Variants in PDSS2 observed in about 807,000 individuals in gnomAD.
PDSS2 encodes the protein decaprenyl diphosphate synthase subunit 2.
PDSS2 carries 31 observed loss-of-function variants against 44.5 expected under a neutral mutation model. That is an observed-to-expected ratio of 0.70 (90% confidence interval 0.52 to 0.94). PDSS2 has a LOEUF of 0.94. Ranked by LOEUF, PDSS2 falls within the 40% of genes least tolerant of loss-of-function variation. The pLI is 0.00. For synonymous variants in PDSS2, 157 were observed against 180.3 expected (o/e 0.87, Z 1.03); for missense variants, 452 against 482.2 (o/e 0.94, Z 0.59).
chr6:107,402,567 A>ATATGTG (rs1554276840), intron 1 of PDSS2, among the ~76,000 whole-genome samples: 1 of 95,860 alleles, frequency 1.0e-5, no homozygotes, highest in African/African-American at 3.8e-5. Context: ...ATATATATAC[A>ATATGTG]TGTGTATATA....
intron 4 of PDSS2, among the ~76,000 whole-genome samples, chr6:107,240,398 CTTTTTTTTTT>C (rs751073523): frequency 3.1e-5 from 4 of 131,016 alleles, no homozygotes; most frequent in African/African-American, 5.6e-5. Context: ...GAGACCCTAC[CTTTTTTTTTT>C]TTTTTTTTTT....
At chr6:107,438,485 G>A (rs1781422882) in intron 1 of PDSS2, among the ~76,000 whole-genome samples, 1 of 152,158 alleles carries the variant, frequency 6.6e-6, no homozygotes, top group Non-Finnish European at 1.5e-5. Flanking sequence ...AAAGTGCTGG[G>A]ACTACAGGTG....
intron 7 of PDSS2, among the ~76,000 whole-genome samples, chr6:107,190,875 A>G (rs1772350716): frequency 6.6e-6 from 1 of 152,038 alleles, no homozygotes; most frequent in Admixed American, 6.6e-5. Context: ...AATGTGCCGG[A>G]TAGACAACAC....
chr6:107,305,042 C>T (rs771301875), intron 2 of PDSS2, among the ~76,000 whole-genome samples: 6 of 152,104 alleles, frequency 3.9e-5, no homozygotes, highest in Non-Finnish European at 7.4e-5. Flanking sequence ...CTGATTTAGA[C>T]TTTCAGCAGA....
chr6:107,435,044 A>G (rs1056402700), intron 1 of PDSS2, among the ~76,000 whole-genome samples: 11 of 152,118 alleles, frequency 7.2e-5, no homozygotes, highest in African/African-American at 2.7e-4. Context: ...TGAGAGGCCA[A>G]GGCAGGAGGA....
intron 1 of PDSS2, among the ~76,000 whole-genome samples, chr6:107,448,543 C>G (rs1357860009): frequency 6.6e-6 from 1 of 152,198 alleles, no homozygotes; most frequent in Non-Finnish European, 1.5e-5. Flanking sequence ...ATTTCATTGT[C>G]CATATCACTA....
At chr6:107,214,134 C>T (rs1163258391) in intron 4 of PDSS2, among the ~76,000 whole-genome samples, 1 of 147,670 alleles carries the variant, frequency 6.8e-6, no homozygotes, top group Non-Finnish European at 1.5e-5. Context: ...GATGGAGTCT[C>T]TCTGTGTCAC....
At chr6:107,193,929 A>G in intron 6 of PDSS2, 75 bp from the exon 7 acceptor site, 1 of 895,122 alleles carries the variant, frequency 1.1e-6, no homozygotes, top group South Asian at 1.3e-5. Context: ...TGCTTCTCAA[A>G]GAATAGAACT....
intron 7 of PDSS2, among the ~76,000 whole-genome samples, chr6:107,184,305 A>G (rs1450007719): frequency 6.6e-6 from 1 of 152,184 alleles, no homozygotes; most frequent in Non-Finnish European, 1.5e-5. Flanking sequence ...CGAATAAAGG[A>G]GTCTGGCTTT....
chr6:107,296,277 T>C (rs1161906943), intron 2 of PDSS2, among the ~76,000 whole-genome samples: 2 of 152,054 alleles, frequency 1.3e-5, no homozygotes, highest in Non-Finnish European at 2.9e-5. Context: ...TGAAAGATCA[T>C]GTGTACTACG....
intron 1 of PDSS2, among the ~76,000 whole-genome samples, chr6:107,386,524 T>A (rs1023242112): frequency 1.6e-4 from 25 of 152,288 alleles, no homozygotes; most frequent in African/African-American, 4.6e-4. Flanking sequence ...TCATCTTGGA[T>A]AAAATCTAAT....
At chr6:107,177,148 T>G (rs952674273) in intron 7 of PDSS2, among the ~76,000 whole-genome samples, 5 of 80,048 alleles carry the variant, frequency 6.2e-5, no homozygotes, top group East Asian at 4.0e-4. Context: ...TTTTTTTTTT[T>G]GGGAGACAGG....
intron 1 of PDSS2, among the ~76,000 whole-genome samples, chr6:107,385,293 G>A (rs1779577893): frequency 6.6e-6 from 1 of 151,442 alleles, no homozygotes. Context: ...GAGCCCAGGA[G>A]TTTGAATCCA....
chr6:107,210,988 C>T (rs1480062558), intron 5 of PDSS2, among the ~76,000 whole-genome samples: 2 of 142,196 alleles, frequency 1.4e-5, no homozygotes, highest in Non-Finnish European at 3.1e-5. Context: ...AGCAAAACTC[C>T]GTCTCAAAAA....
At chr6:107,278,166 A>G (rs866504683) in intron 2 of PDSS2, among the ~76,000 whole-genome samples, 1 of 152,076 alleles carries the variant, frequency 6.6e-6, no homozygotes, top group African/African-American at 2.4e-5. Context: ...AAATTAAGAG[A>G]ATATGTAAAG....
At chr6:107,450,660 T>C (rs1781835311) in intron 1 of PDSS2, among the ~76,000 whole-genome samples, 1 of 152,150 alleles carries the variant, frequency 6.6e-6, no homozygotes, top group Non-Finnish European at 1.5e-5. Context: ...TACATATATG[T>C]AGGATTTTCA....
At chr6:107,411,211 G>A (rs141119674) in intron 1 of PDSS2, among the ~76,000 whole-genome samples, 22 of 152,256 alleles carry the variant, frequency 1.4e-4, no homozygotes, top group African/African-American at 5.1e-4. Flanking sequence ...AATGAGTCTC[G>A]TGGATGAGAA....
chr6:107,393,709 T>C (rs546885122), intron 1 of PDSS2, among the ~76,000 whole-genome samples: 4 of 152,352 alleles, frequency 2.6e-5, no homozygotes, highest in African/African-American at 4.8e-5. Context: ...AGAATACTTA[T>C]ATATTCTTGA....
intron 1 of PDSS2, among the ~76,000 whole-genome samples, chr6:107,390,189 C>T (rs181273240): frequency 1.4e-4 from 22 of 152,278 alleles, no homozygotes; most frequent in African/African-American, 3.4e-4. Flanking sequence ...TAGTGACTCA[C>T]TTCCAAAGAA....
Sources: allele counts gnomAD v4.1 joint callset (sites outside exome capture counted in the v4.1 genomes callset), GRCh38; gene constraint gnomAD v4.1.1; transcripts MANE v1.5; gene names NCBI Gene and HGNC (gene_info 2026-07-23, HGNC 2026-07-21).